The following PKNOX2 variants were observed in gnomAD, a reference collection of about 807,000 sequenced individuals.
PKNOX2 encodes the protein homeobox protein PKNOX2.
In PKNOX2, 14 loss-of-function variants were observed where a neutral mutation model predicts 53.1. The observed-to-expected ratio is 0.26, with a 90% CI of 0.17 to 0.41. PKNOX2 has a LOEUF of 0.41. Ranked by LOEUF, PKNOX2 falls within the 10% of genes least tolerant of loss-of-function variation. PKNOX2 has a pLI of 1.00. For missense variants in PKNOX2, 496 were observed against 602.8 expected, an observed-to-expected ratio of 0.82 and a Z score of 1.85; for synonymous variants, 257 against 242.8, an observed-to-expected ratio of 1.06 and a Z score of -0.54.
chr11:125,260,124 C>G (rs553857591), intron 2 of PKNOX2, among the ~76,000 whole-genome samples: 2 of 152,028 alleles, frequency 1.3e-5, no homozygotes, highest in Admixed American at 1.3e-4. Context: ...GTGATCCTCC[C>G]GCCTCAGCCC....
intron 10 of PKNOX2, among the ~76,000 whole-genome samples, chr11:125,425,030 A>G (rs1591568816): frequency 6.6e-6 from 1 of 152,326 alleles, no homozygotes; most frequent in South Asian, 2.1e-4. Context: ...TGTAAATACC[A>G]TAATTCCCTT....
At chr11:125,380,153 G>C (rs1211175747) in intron 5 of PKNOX2, among the ~76,000 whole-genome samples, 1 of 152,174 alleles carries the variant, frequency 6.6e-6, no homozygotes, top group Admixed American at 6.5e-5. Flanking sequence ...CCGCCCTCCC[G>C]GCACCCAGGC....
intron 2 of PKNOX2, among the ~76,000 whole-genome samples, chr11:125,275,254 G>A (rs1156568743): frequency 6.6e-6 from 1 of 152,196 alleles, no homozygotes; most frequent in African/African-American, 2.4e-5. Context: ...TGATGGTTGA[G>A]AAAGTGACAG....
chr11:125,217,620 T>A (rs1591484297), intron 1 of PKNOX2, among the ~76,000 whole-genome samples: 1 of 152,128 alleles, frequency 6.6e-6, no homozygotes, highest in South Asian at 2.1e-4. Flanking sequence ...GATTGCCCCA[T>A]GAATATATTT....
At chr11:125,364,159 G>T (rs988524775) in intron 4 of PKNOX2, among the ~76,000 whole-genome samples, 4 of 152,208 alleles carry the variant, frequency 2.6e-5, no homozygotes, top group African/African-American at 9.7e-5. Flanking sequence ...CCTGTGGACA[G>T]CTGCAGGTCC....
intron 2 of PKNOX2, among the ~76,000 whole-genome samples, chr11:125,269,292 A>G (rs1945604792): frequency 6.6e-6 from 1 of 152,074 alleles, no homozygotes; most frequent in African/African-American, 2.4e-5. Flanking sequence ...GTGAGACCGC[A>G]GGTATTCATC....
intron 1 of PKNOX2, among the ~76,000 whole-genome samples, chr11:125,219,237 C>T (rs1160827594): frequency 6.6e-6 from 1 of 151,912 alleles, no homozygotes; most frequent in Non-Finnish European, 1.5e-5. Flanking sequence ...AGTTCCAGAC[C>T]AGCCTGGCTA....
chr11:125,201,778 C>G (rs1938469088), intron 1 of PKNOX2, among the ~76,000 whole-genome samples: 1 of 152,226 alleles, frequency 6.6e-6, no homozygotes, highest in African/African-American at 2.4e-5. Flanking sequence ...AGGTTTTCTT[C>G]CAGAGCCTTA....
intron 2 of PKNOX2, among the ~76,000 whole-genome samples, chr11:125,312,998 G>A (rs1398044668): frequency 6.6e-6 from 1 of 152,248 alleles, no homozygotes; most frequent in Non-Finnish European, 1.5e-5. Flanking sequence ...GGAGGCTGCA[G>A]AGGAGGCCAA....
chr11:125,420,094 G>A (rs538923844), intron 10 of PKNOX2, among the ~76,000 whole-genome samples: 30 of 151,622 alleles, frequency 2.0e-4, no homozygotes, highest in Admixed American at 5.9e-4. Flanking sequence ...GCCTGAGGTA[G>A]GAGGATCATT....
rs1565459729 is a variant in PKNOX2, at chr11:125,166,478, G to C, written c.-201+1702G>C. On this transcript the variant is annotated intron_variant, in intron 1 of 12. Transcript: ENST00000298282. The surrounding 1 kb of genome is among the most constrained non-coding windows in gnomAD (Gnocchi z 4.0). ...AAGAGACCTTCTGGGCGAAGCGGCA[G>C]GGCAGCCTCGCGGGGCTGGGAGTGG... 6.6e-6 allele frequency among the ~76,000 whole-genome samples: 1 copy of C among 152,214 alleles called. No individual in the cohort carries two copies. The highest frequency in any genetic ancestry group is 2.4e-5 in the African/African-American group (1 of 41,472).
chr11:125,327,074 G>A (rs560196948), intron 2 of PKNOX2, among the ~76,000 whole-genome samples: 1 of 152,314 alleles, frequency 6.6e-6, no homozygotes, highest in East Asian at 1.9e-4. Context: ...AAAAAGCTTG[G>A]TGTTTTATGC....
chr11:125,196,724 C>T (rs767355028), intron 1 of PKNOX2, among the ~76,000 whole-genome samples: 17 of 152,188 alleles, frequency 1.1e-4, no homozygotes, highest in African/African-American at 2.7e-4. Flanking sequence ...GCATTGGACT[C>T]GATCATGTCC....
intron 1 of PKNOX2, among the ~76,000 whole-genome samples, chr11:125,178,517 A>G (rs938744159): frequency 6.7e-6 from 1 of 148,458 alleles, no homozygotes; most frequent in African/African-American, 2.5e-5. Context: ...TCTCAAAAAA[A>G]AAAAAGAAGA....
At chr11:125,402,107 G>A (rs551117339) in intron 7 of PKNOX2, among the ~76,000 whole-genome samples, 1 of 152,232 alleles carries the variant, frequency 6.6e-6, no homozygotes, top group African/African-American at 2.4e-5. Context: ...CTCGGCCTTC[G>A]ATTTCTCTGT....
chr11:125,427,850 G>A (rs1175539097), intron 10 of PKNOX2, among the ~76,000 whole-genome samples: 1 of 152,076 alleles, frequency 6.6e-6, no homozygotes, highest in East Asian at 1.9e-4. Flanking sequence ...TTGCATGCTG[G>A]GTGCCAGGCA....
At chr11:125,217,561 A>G (rs1463630851) in intron 1 of PKNOX2, among the ~76,000 whole-genome samples, 2 of 152,148 alleles carry the variant, frequency 1.3e-5, no homozygotes, top group Non-Finnish European at 2.9e-5. Context: ...CACCTAGCGC[A>G]GGCGGGCACA....
intron 6 of PKNOX2, among the ~76,000 whole-genome samples, chr11:125,386,384 A>G (rs1953634014): frequency 6.6e-6 from 1 of 152,176 alleles, no homozygotes; most frequent in Non-Finnish European, 1.5e-5. Flanking sequence ...GGGCAGTTGC[A>G]ATTGTCATTA....
At chr11:125,257,489 A>G (rs1323785703) in intron 2 of PKNOX2, among the ~76,000 whole-genome samples, 1 of 152,192 alleles carries the variant, frequency 6.6e-6, no homozygotes, top group African/African-American at 2.4e-5. Flanking sequence ...TATTCCAGCA[A>G]TGGTTAGGAG....
Sources: gnomAD v4.1 joint callset for allele counts (sites outside exome capture counted in the v4.1 genomes callset) on GRCh38, gnomAD v4.1.1 for gene constraint, Gnocchi (gnomAD v3.1) non-coding constraint, MANE v1.5 for transcripts, NCBI Gene and HGNC (gene_info 2026-07-23, HGNC 2026-07-21) for gene names.